NRXN3: variants seen among roughly 807,000 people sequenced by gnomAD.
NRXN3 encodes the protein neurexin III.
NRXN3 carries 32 observed loss-of-function variants against 137.6 expected under a neutral mutation model. That is an observed-to-expected ratio of 0.23 (90% CI 0.18 to 0.31). The LOEUF (loss-of-function observed/expected upper bound fraction) is 0.31. NRXN3 is among the 10% of genes least tolerant of loss of function. The probability of loss-of-function intolerance (pLI) is 1.00; values close to 1 mark genes in which losing one functional copy is unlikely to be tolerated. For synonymous variants in NRXN3, 798 were observed against 784.5 expected (o/e 1.02, Z -0.29); for missense variants, 1,574 against 2,062.5 (o/e 0.76, Z 4.59).
At chr14:78,428,430 A>G (rs1001196655) in intron 4 of NRXN3, among the ~76,000 whole-genome samples, 1 of 152,050 alleles carries the variant, frequency 6.6e-6, no homozygotes, top group African/African-American at 2.4e-5. Flanking sequence ...CCCCAACTCT[A>G]TCTCAATTTC....
intron 4 of NRXN3, among the ~76,000 whole-genome samples, chr14:78,451,613 A>G (rs922709644): frequency 2.0e-5 from 3 of 152,194 alleles, no homozygotes; most frequent in Non-Finnish European, 2.9e-5. Context: ...GCATACATAC[A>G]TGATTCCCCC....
At chr14:79,169,728 A>G (rs1422102860) in intron 15 of NRXN3, among the ~76,000 whole-genome samples, 1 of 152,172 alleles carries the variant, frequency 6.6e-6, no homozygotes, top group African/African-American at 2.4e-5. Context: ...GTAAAGATAG[A>G]AAATGTATTT....
chr14:79,240,390 G>A (rs551789356), intron 15 of NRXN3, among the ~76,000 whole-genome samples: 5 of 152,088 alleles, frequency 3.3e-5, no homozygotes, highest in African/African-American at 9.6e-5. Flanking sequence ...CTTGGGAATC[G>A]CTCACTAATT....
At chr14:78,189,623 G>C (rs912163257) in intron 1 of NRXN3, among the ~76,000 whole-genome samples, 3 of 150,940 alleles carry the variant, frequency 2.0e-5, no homozygotes, top group Admixed American at 2.0e-4. Flanking sequence ...GTCTTGTTCT[G>C]TCGCCCAGGC....
At chr14:78,556,194 G>C (rs748726144) in intron 4 of NRXN3, among the ~76,000 whole-genome samples, 7 of 152,140 alleles carry the variant, frequency 4.6e-5, no homozygotes, top group Non-Finnish European at 1.0e-4. Flanking sequence ...AGCCTTCCCA[G>C]CTTCCCCCAC....
chr14:78,839,626 CAA>C (rs2099006478), intron 10 of NRXN3, among the ~76,000 whole-genome samples: 4 of 152,150 alleles, frequency 2.6e-5, no homozygotes, highest in Admixed American at 2.0e-4. Context: ...ATAAGGGATG[CAA>C]GTGTAAAGGG....
intron 15 of NRXN3, among the ~76,000 whole-genome samples, chr14:79,261,591 A>G (rs998143274): frequency 8.8e-5 from 11 of 124,986 alleles, no homozygotes; most frequent in Non-Finnish European, 1.4e-4. Flanking sequence ...TCCCACAGAT[A>G]AGAAAGGTGC....
intron 15 of NRXN3, among the ~76,000 whole-genome samples, chr14:79,298,415 G>C (rs2084566974): frequency 6.6e-6 from 1 of 152,018 alleles, no homozygotes; most frequent in Non-Finnish European, 1.5e-5. Flanking sequence ...ATGGCTTCTA[G>C]CTACAGAAGG....
chr14:78,917,962 T>TA lies in NRXN3; in HGVS notation c.2276-39272dup, dbSNP rs532992193. On this transcript the variant is annotated intron_variant, in intron 10 of 20. Coordinates refer to ENST00000335750, the MANE Select transcript of NRXN3 (RefSeq NM_001330195.2). ...TTCTAGATATGTGATTTTGCAAAAA[T>TA]AAAAAAAATAAAAAAATAAAAAAAT... Among the ~76,000 whole-genome samples, 123 of 47,080 alleles carry TA rather than the reference T, an allele frequency of 2.6e-3. 2 individuals are homozygous for TA. Among genetic ancestry groups the TA allele is most frequent in the Middle Eastern group, 0.012 (1 of 86 alleles). 30.9% of individuals were successfully genotyped at this position (47,080 alleles called of 152,430 possible). A position where few individuals can be genotyped will look rare whatever the true frequency, so the allele number is the denominator to read the frequency against.
intron 19 of NRXN3, among the ~76,000 whole-genome samples, chr14:79,710,090 G>GAAAACAA (rs2098797536): frequency 6.6e-6 from 1 of 152,054 alleles, no homozygotes; most frequent in African/African-American, 2.4e-5. Context: ...TTTTATTGTT[G>GAAAACAA]CTGTTGTTTT....
At chr14:78,417,206 C>G (rs1434330396) in intron 4 of NRXN3, among the ~76,000 whole-genome samples, 1 of 152,202 alleles carries the variant, frequency 6.6e-6, no homozygotes, top group Non-Finnish European at 1.5e-5. Context: ...TAGTCTGGCT[C>G]CTGCCCACCT....
At chr14:78,982,433 CA>C (rs2099491668) in intron 14 of NRXN3, among the ~76,000 whole-genome samples, 1 of 151,914 alleles carries the variant, frequency 6.6e-6, no homozygotes, top group South Asian at 2.1e-4. Context: ...ATAGTTCTGA[CA>C]AAAAACGGAT....
In NRXN3 at chr14:78,938,479, A is replaced by G. The variant is rs534151256; in HGVS notation, c.2276-18763A>G. Among the ~76,000 whole-genome samples, 19 of 152,284 alleles carry G rather than the reference A, an allele frequency of 1.2e-4. 1 individual carries two copies. Among genetic ancestry groups the G allele is most frequent in the African/African-American group, 4.6e-4 (19 of 41,578 alleles). On this transcript the variant is annotated intron_variant, in intron 10 of 20. Transcript: ENST00000335750. The stretch of plus-strand genomic sequence containing the variant: ...AATTATGTTGTGATCATGGTGGGCT[A>G]TTATCTCTGCAAACTCTCCTGACAC...
At chr14:79,607,810 C>T (rs1040019081) in intron 16 of NRXN3, among the ~76,000 whole-genome samples, 1 of 151,782 alleles carries the variant, frequency 6.6e-6, no homozygotes, top group African/African-American at 2.4e-5. Flanking sequence ...TCCTGAGTAG[C>T]TGGAACTACA....
At chr14:79,772,968 G>T (rs1397753062) in intron 19 of NRXN3, among the ~76,000 whole-genome samples, 1 of 152,006 alleles carries the variant, frequency 6.6e-6, no homozygotes, top group East Asian at 1.9e-4. Flanking sequence ...GTGGGCAAAG[G>T]ATATGAACAG....
At chr14:79,294,692 A>T (rs2083750503) in intron 15 of NRXN3, among the ~76,000 whole-genome samples, 1 of 152,088 alleles carries the variant, frequency 6.6e-6, no homozygotes. Context: ...TCAGTATAAG[A>T]AGGATAGGTA....
At chr14:78,966,782 T>C (rs2099418208) in intron 12 of NRXN3, among the ~76,000 whole-genome samples, 1 of 152,212 alleles carries the variant, frequency 6.6e-6, no homozygotes, top group South Asian at 2.1e-4. Context: ...ATATTTTAAA[T>C]CCTACCATTA....
At chr14:79,433,627 C>T (rs968605362) in intron 15 of NRXN3, among the ~76,000 whole-genome samples, 5 of 152,086 alleles carry the variant, frequency 3.3e-5, no homozygotes, top group African/African-American at 7.2e-5. Context: ...CATATGTTCA[C>T]GATATCTAAT....
intron 10 of NRXN3, among the ~76,000 whole-genome samples, chr14:78,915,345 CAA>C (rs35908076): frequency 0.016 from 174 of 11,132 alleles, no homozygotes; most frequent in African/African-American, 0.045. Context: ...ACGTGTGAAG[CAA>C]AAAAAAAAAA....
Sources: gnomAD v4.1 joint callset for allele counts (sites outside exome capture counted in the v4.1 genomes callset) on GRCh38, gnomAD v4.1.1 for gene constraint, MANE v1.5 for transcripts, NCBI Gene and HGNC (gene_info 2026-07-23, HGNC 2026-07-21) for gene names.